PRKG1: variants seen among roughly 807,000 people sequenced by gnomAD.
The protein encoded by PRKG1 is protein kinase cGMP-dependent 1.
Under a neutral mutation model 88.1 loss-of-function variants are expected in PRKG1, and 35 were observed. The ratio of observed to expected loss-of-function variants is 0.40; its 90% CI spans 0.30 to 0.53. The LOEUF (loss-of-function observed/expected upper bound fraction) is 0.53. Among genes scored for constraint, PRKG1 ranks in the 20% least tolerant of loss-of-function variants. The pLI is 0.59. For missense variants in PRKG1, 540 were observed against 839.8 expected (o/e 0.64, Z 4.41); for synonymous variants, 303 against 292.5 (o/e 1.04, Z -0.37).
intron 2 of PRKG1, among the ~76,000 whole-genome samples, chr10:51,202,447 G>T (rs775028619): frequency 6.6e-6 from 1 of 152,130 alleles, no homozygotes; most frequent in Non-Finnish European, 1.5e-5. Flanking sequence ...CTCCCCAGAA[G>T]ATTTCTCCTG....
intron 2 of PRKG1, among the ~76,000 whole-genome samples, chr10:51,303,384 A>G (rs1186015357): frequency 6.7e-6 from 1 of 149,858 alleles, no homozygotes; most frequent in Admixed American, 6.6e-5. Flanking sequence ...AGCAATCATC[A>G]AACAGGCCTA....
At chr10:51,612,684 G>A (rs919051531) in intron 3 of PRKG1, among the ~76,000 whole-genome samples, 6 of 151,986 alleles carry the variant, frequency 3.9e-5, no homozygotes, top group African/African-American at 1.4e-4. Flanking sequence ...GTGAAAATGT[G>A]CATCCTTGTC....
At chr10:51,286,046 C>G (rs949071433) in intron 2 of PRKG1, among the ~76,000 whole-genome samples, 1 of 152,170 alleles carries the variant, frequency 6.6e-6, no homozygotes, top group Non-Finnish European at 1.5e-5. Context: ...TCTTGGCTCA[C>G]TGCAACCTCT....
chr10:52,070,129 T>C (rs981897767), intron 7 of PRKG1, among the ~76,000 whole-genome samples: 2 of 152,204 alleles, frequency 1.3e-5, no homozygotes, highest in Non-Finnish European at 2.9e-5. Context: ...CTGTATTTTT[T>C]CAGACACAAC....
chr10:51,828,956 A>G (rs1479987644), intron 4 of PRKG1, among the ~76,000 whole-genome samples: 1 of 152,198 alleles, frequency 6.6e-6, no homozygotes, highest in Non-Finnish European at 1.5e-5. Flanking sequence ...AACATTTATC[A>G]TCACGCAGTT....
chr10:51,131,895 C>T (rs1298238309), intron 1 of PRKG1, among the ~76,000 whole-genome samples: 1 of 152,014 alleles, frequency 6.6e-6, no homozygotes, highest in African/African-American at 2.4e-5. Flanking sequence ...GGATGGACAG[C>T]TCTGGCAGAA....
intron 1 of PRKG1, among the ~76,000 whole-genome samples, chr10:51,128,602 A>G (rs927128190): frequency 2.0e-5 from 3 of 152,218 alleles, no homozygotes; most frequent in African/African-American, 7.2e-5. Flanking sequence ...AATGCCTAGT[A>G]TCTATTTACA....
intron 4 of PRKG1, among the ~76,000 whole-genome samples, chr10:51,812,328 A>G (rs1224157578): frequency 2.6e-5 from 4 of 152,232 alleles, no homozygotes; most frequent in Non-Finnish European, 5.9e-5. Flanking sequence ...ACAAGAGGTC[A>G]GGTGAATACG....
At chr10:51,128,058 T>A (rs1363911834) in intron 1 of PRKG1, among the ~76,000 whole-genome samples, 1 of 152,170 alleles carries the variant, frequency 6.6e-6, no homozygotes, top group Non-Finnish European at 1.5e-5. Context: ...CAAACCACCA[T>A]GGCACATGTA....
At chr10:51,085,784 C>T (rs1316061908) in intron 1 of PRKG1, among the ~76,000 whole-genome samples, 1 of 151,924 alleles carries the variant, frequency 6.6e-6, no homozygotes, top group Non-Finnish European at 1.5e-5. Context: ...CATTTAATAC[C>T]TAGCTTTATA....
In PRKG1 at chr10:52,290,303, T is replaced by C; in HGVS notation, c.1962+13T>C. Reference sequence around the variant, plus strand: ...TATAATACCAAGTGTAAGTAGACTTTCCAGCTTATAATTGTGTGACATAAT... The same window carrying C: ...TATAATACCAAGTGTAAGTAGACTTCCCAGCTTATAATTGTGTGACATAAT... On this transcript the variant is annotated intron_variant, in intron 17 of 17. Transcript: ENST00000373980. 14 of 1,590,540 alleles carry C rather than the reference T, an allele frequency of 8.8e-6. No homozygotes were observed. Among genetic ancestry groups the C allele is most frequent in the Non-Finnish European group, 1.1e-5 (13 of 1,161,056 alleles).
chr10:51,405,872 A>G (rs193099143), intron 2 of PRKG1, among the ~76,000 whole-genome samples: 12 of 152,304 alleles, frequency 7.9e-5, no homozygotes, highest in Non-Finnish European at 1.6e-4. Context: ...CAGAGAACTC[A>G]GTGTACTGGA....
intron 4 of PRKG1, among the ~76,000 whole-genome samples, chr10:51,853,026 G>A (rs568394756): frequency 1.2e-4 from 19 of 152,110 alleles, no homozygotes; most frequent in Admixed American, 4.6e-4. Context: ...CCTCAAACTG[G>A]TGTACACATA....
chr10:51,540,843 T>G (rs982647661), intron 3 of PRKG1, among the ~76,000 whole-genome samples: 1 of 151,996 alleles, frequency 6.6e-6, no homozygotes, highest in African/African-American at 2.4e-5. Context: ...CACAGCCTCC[T>G]GAGTAGCTGG....
intron 4 of PRKG1, among the ~76,000 whole-genome samples, chr10:51,843,003 A>G (rs1023550728): frequency 6.6e-6 from 1 of 151,692 alleles, no homozygotes; most frequent in African/African-American, 2.4e-5. Context: ...TCAGATGGTC[A>G]TTATGAATAT....
intron 5 of PRKG1, among the ~76,000 whole-genome samples, chr10:51,932,479 T>G (rs904883681): frequency 2.0e-5 from 3 of 152,180 alleles, no homozygotes; most frequent in African/African-American, 7.2e-5. Context: ...ACAGACAAAC[T>G]TGGCCAAGAA....
chr10:51,767,878 T>C (rs1326571132), intron 3 of PRKG1, among the ~76,000 whole-genome samples: 2 of 152,098 alleles, frequency 1.3e-5, no homozygotes, highest in Non-Finnish European at 2.9e-5. Context: ...AAATTAGCCA[T>C]GGAGGTGAGA....
intron 4 of PRKG1, among the ~76,000 whole-genome samples, chr10:51,900,056 A>C (rs1045081348): frequency 1.8e-4 from 27 of 152,154 alleles, no homozygotes; most frequent in African/African-American, 6.5e-4. Flanking sequence ...TGCTGGTGCC[A>C]TGCTTTTACA....
At chr10:52,162,979 A>C (rs953712941) in intron 9 of PRKG1, among the ~76,000 whole-genome samples, 4 of 152,108 alleles carry the variant, frequency 2.6e-5, no homozygotes, top group African/African-American at 9.7e-5. Flanking sequence ...CTGGATAATT[A>C]GTATTAATTG....
Sources: gnomAD v4.1 joint callset for allele counts (sites outside exome capture counted in the v4.1 genomes callset) on GRCh38, gnomAD v4.1.1 for gene constraint, MANE v1.5 for transcripts, NCBI Gene and HGNC (gene_info 2026-07-23, HGNC 2026-07-21) for gene names.